CPT1B: variants seen among roughly 807,000 people sequenced by gnomAD.
The protein encoded by CPT1B is carnitine palmitoyltransferase 1B, also known as carnitine O-palmitoyltransferase 1, muscle isoform.
CPT1B carries 57 observed loss-of-function variants against 92.7 expected under a neutral mutation model. The observed-to-expected ratio is 0.62, with a 90% CI of 0.50 to 0.77. The LOEUF (loss-of-function observed/expected upper bound fraction) is 0.77, where lower values mean the gene tolerates loss of function less well. Among genes scored for constraint, CPT1B ranks in the 30% least tolerant of loss-of-function variants. CPT1B has a pLI of 0.00. For synonymous variants in CPT1B, 398 were observed against 383.5 expected (o/e 1.04, Z -0.44); for missense variants, 983 against 1,017.4 (o/e 0.97, Z 0.46).
rs1250251507 is a variant in CPT1B, at chr22:50,573,048, C to T, written c.1179G>A (p.Ala393=). 42 of 1,599,722 alleles carry T rather than the reference C, an allele frequency of 2.6e-5. No individual in the cohort carries two copies. The highest frequency in any genetic ancestry group is 1.7e-4 in the Middle Eastern group (1 of 5,866). ...AGCTAAAGAAGGCCTGGCGTGCCTG[C>T]GCCCACTCCACCCTGAAGCATGGGG... ...ALTAGGRVEW[A]QARQAFFSSG... is the part of the protein sequence containing the mutation. The change falls in exon 11 of 20, where the codon GCG becomes GCA. Residue 393 remains alanine (A), a synonymous_variant. Coordinates refer to ENST00000312108, the MANE Select transcript of CPT1B (RefSeq NM_152246.3). This position sits in a 1 kb window ranked among gnomAD's most constrained non-coding sequence, Gnocchi z 5.0.
chr22:50,576,834 C>T (rs368792146), intron 4 of CPT1B, 23 bp downstream of exon 4: 1 of 1,613,502 alleles, frequency 6.2e-7, no homozygotes, highest in Non-Finnish European at 8.5e-7. Context: ...GGTGCCTGAA[C>T]CCCTCCACTG....
chr22:50,570,971 C>T lies in CPT1B; in HGVS notation c.1948G>A (p.Gly650Arg), dbSNP rs749903461. ...HQNMYRLAMTGAGIDRHLFCL... is the reference protein window; with the variant it reads ...HQNMYRLAMTRAGIDRHLFCL... ...AAGAGGTGCCTGTCGATCCCTGCCC[C>T]GGTCATGGCCAGGCGGTACATATTC... Residue 650 changes from glycine to arginine, a missense_variant, in exon 16 of 20, where the codon GGG (glycine) becomes AGG (arginine). Coordinates refer to ENST00000312108, the MANE Select transcript of CPT1B (RefSeq NM_152246.3). 3.0e-5 allele frequency: 48 copies of T among 1,613,924 alleles called. No homozygotes were observed. The Middle Eastern group carries it at 4.9e-4, about 17-fold the overall frequency.
At chr22:50,569,909 C>T (rs1222782956) in intron 17 of CPT1B, among the ~76,000 whole-genome samples, 3 of 152,150 alleles carry the variant, frequency 2.0e-5, no homozygotes, top group African/African-American at 4.8e-5. Flanking sequence ...TAGATCACTC[C>T]GTCTCTCTCC....
At position 50,574,600 on chromosome 22, in the gene CPT1B, C is replaced by T. The variant is rs1021058086; in HGVS notation, c.778G>A (p.Asp260Asn). 1.9e-6 allele frequency: 3 copies of T among 1,613,954 alleles called. No homozygotes were observed. The African/African-American group carries it at 4.0e-5, about 22-fold the overall frequency. Residue 260 changes from aspartate to asparagine, a missense_variant and splice_region_variant, in exon 8 of 20, where the codon GAC becomes AAC. By Grantham distance (23) the Asp-to-Asn change is conservative. Coordinates refer to ENST00000312108, the MANE Select transcript of CPT1B (RefSeq NM_152246.3). Reference protein sequence around the residue: ...LMVNSNYYVMDLVLIKNTDVQ... With the variant: ...LMVNSNYYVMNLVLIKNTDVQ... Reference sequence around the variant, plus strand: ...TCTGTATTCTTGATGAGCACAAGGTCCTACAGAGGAACAGAGCCCGCGGGG... The same window carrying T: ...TCTGTATTCTTGATGAGCACAAGGTTCTACAGAGGAACAGAGCCCGCGGGG...
Position 50,577,377 on chromosome 22 carries a change from G to T in CPT1B, c.228C>A (p.Asn76Lys). 1 of 1,613,988 alleles carries T rather than the reference G, an allele frequency of 6.2e-7. No individual in the cohort carries two copies. The highest frequency in any genetic ancestry group is 1.1e-5 in the South Asian group (1 of 91,088). Residue 76 changes from asparagine (N) to lysine (K), a missense_variant, in exon 3 of 20, where the codon AAC becomes AAA. Physicochemically the swap from Asn to Lys is moderately conservative, Grantham distance 94. Coordinates refer to ENST00000312108, the MANE Select transcript of CPT1B (RefSeq NM_152246.3). ...IMATVGSSFC[N>K]VDISLGLVSC... ...TGACCAGCCCCAAGGAGATGTCCAC[G>T]TTGCAGAAGGAGGAACCCACTGTTG...
At position 50,571,553 on chromosome 22, in the gene CPT1B, G is replaced by A. The variant is rs761130254; in HGVS notation, c.1576-14C>T. On this transcript the variant is annotated splice_polypyrimidine_tract_variant and intron_variant, in intron 13 of 19. Coordinates refer to ENST00000312108, the MANE Select transcript of CPT1B (RefSeq NM_152246.3). Reference sequence around the variant, plus strand: ...GACCGCCTGGCACTGCCAAGACATGGGAAGGGTCAGCTGAGGGTAGGGCTC... The same window carrying A: ...GACCGCCTGGCACTGCCAAGACATGAGAAGGGTCAGCTGAGGGTAGGGCTC... The A allele has an allele frequency of 2.5e-6, 4 of 1,609,296 alleles. No individual in the cohort carries two copies. Among genetic ancestry groups the A allele is most frequent in the Non-Finnish European group, 3.4e-6 (4 of 1,179,750 alleles).
chr22:50,568,923 G>A lies in CPT1B; in HGVS notation c.*161C>T. On this transcript the variant is annotated 3_prime_UTR_variant, in exon 20 of 20. Coordinates refer to ENST00000312108, the MANE Select transcript of CPT1B (RefSeq NM_152246.3). ...CGTGGGCGTGGACAGCTATCTCAGA[G>A]CCTACGTCACTCAGCAGAGTCACAC... 1 of 165,666 alleles carries A rather than the reference G, an allele frequency of 6.0e-6. No homozygotes were observed. The highest frequency in any genetic ancestry group is 1.3e-5 in the Non-Finnish European group (1 of 76,578). The allele number at this position is 165,666 out of a possible 1,614,324, so 10.3% of individuals were successfully genotyped here. A position where few individuals can be genotyped will look rare whatever the true frequency, so the allele number is the denominator to read the frequency against.
Position 50,571,876 on chromosome 22 carries a change from G to A in CPT1B, c.1575+130C>T, listed in dbSNP as rs972541172. 9.0e-6 allele frequency: 8 copies of A among 887,120 alleles called. No homozygotes were observed. In the Admixed American group the frequency reaches 1.5e-4, roughly 16 times the overall value. 55.0% of individuals were successfully genotyped at this position (887,120 alleles called of 1,614,324 possible). ...GGACTCTACAGGTATCCTGAGACGT[G>A]CCCTGTGCCTTCCCGAGGGCTGGGC... On this transcript the variant is annotated intron_variant, in intron 13 of 19. Coordinates refer to ENST00000312108, the MANE Select transcript of CPT1B (RefSeq NM_152246.3).
chr22:50,571,133 C>G, intron 15 of CPT1B, 25 bp downstream of exon 15: 1 of 1,613,430 alleles, frequency 6.2e-7, no homozygotes, highest in Non-Finnish European at 8.5e-7. Flanking sequence ...CGACTGTGAC[C>G]CCCACATGGG....
In CPT1B at chr22:50,574,608, G is replaced by A. The variant is rs777042068; in HGVS notation, c.778-8C>T. On this transcript the variant is annotated splice_polypyrimidine_tract_variant and splice_region_variant and intron_variant, in intron 7 of 19. Transcript: ENST00000312108. ...CTTGATGAGCACAAGGTCCTACAGAGGAACAGAGCCCGCGGGGTGGGGGCC... is the reference window on the plus strand; with the variant it reads ...CTTGATGAGCACAAGGTCCTACAGAAGAACAGAGCCCGCGGGGTGGGGGCC... 5.6e-6 allele frequency: 9 copies of A among 1,613,310 alleles called. No homozygotes were observed. In the African/African-American group the frequency reaches 9.3e-5, roughly 17 times the overall value.
rs377156417 is a variant in CPT1B at position 50,571,172 on chromosome 22, C to A, written c.1861G>T (p.Glu621Ter). The A allele has an allele frequency of 6.8e-6, 11 of 1,614,030 alleles. No individual in the cohort carries two copies. In the Admixed American group the frequency reaches 1.5e-4, roughly 22 times the overall value. ...AGGACACTTACTGTGTGGGACCCCT[C>A]CATCATGGCCTGCACAAAGGCTGTG... The part of the protein sequence containing the change: ...ESTAFVQAMM[E>*]GSHTKADLRD... The change falls in exon 15 of 20, where the codon GAG (glutamate) becomes TAG (stop). Residue 621 changes from glutamate to a stop codon, truncating the protein, a stop_gained. Coordinates refer to ENST00000312108, the MANE Select transcript of CPT1B (RefSeq NM_152246.3). LOFTEE classifies it high-confidence loss of function.
chr22:50,572,469 C>A (rs1179488322), intron 11 of CPT1B, among the ~76,000 whole-genome samples, 161 bp from the exon 12 acceptor site: 1 of 152,134 alleles, frequency 6.6e-6, no homozygotes, highest in Non-Finnish European at 1.5e-5. Context: ...GTTGCCCAGG[C>A]TGGAGTGCAG....
intron 4 of CPT1B, 40 bp from the exon 5 acceptor site, chr22:50,576,677 G>GA (rs1569047694): frequency 6.3e-7 from 1 of 1,597,058 alleles, no homozygotes; most frequent in Admixed American, 1.7e-5. Flanking sequence ...GGAGCCAGTG[G>GA]AAAAAATGGA....
chr22:50,570,324 T>G lies in CPT1B; in HGVS notation c.2111A>C (p.Asn704Thr), dbSNP rs898844790. The G allele has an allele frequency of 1.3e-6, 2 of 1,598,366 alleles. No homozygotes were observed. Among genetic ancestry groups the G allele is most frequent in the Non-Finnish European group, 1.7e-6 (2 of 1,170,016 alleles). Residue 704 changes from asparagine (N) to threonine (T), a missense_variant, in exon 17 of 20, where the codon AAT becomes ACT. Physicochemically the swap from Asn to Thr is moderately conservative, Grantham distance 65. Coordinates refer to ENST00000312108, the MANE Select transcript of CPT1B (RefSeq NM_152246.3). ...IRMFDPEQHP[N>T]HLGAGGGFGP... The stretch of plus-strand genomic sequence containing the variant: ...AAAGCCACCTCCAGCGCCCAGGTGA[T>G]TGGGGTGCTGCTCTGGGTCGAACAT...
Position 50,576,915 on chromosome 22 carries a change from T to G in CPT1B, c.401A>C (p.Tyr134Ser), listed in dbSNP as rs1335716130. 6.2e-7 allele frequency: 1 copy of G among 1,613,986 alleles called. No individual in the cohort carries two copies. Residue 134 changes from tyrosine to serine, a missense_variant, in exon 4 of 20, where the codon TAC (tyrosine) becomes TCC (serine). By Grantham distance (144) the Tyr-to-Ser change is moderately radical. Coordinates refer to ENST00000312108, the MANE Select transcript of CPT1B (RefSeq NM_152246.3). ...ATGCATCTCAAACATCCACCCATGGTAGCAGAGAAGCAGCTTCAGGGTTTG... is the reference window on the plus strand; with the variant it reads ...ATGCATCTCAAACATCCACCCATGGGAGCAGAGAAGCAGCTTCAGGGTTTG... Reference protein sequence around the residue: ...FRQTLKLLLCYHGWMFEMHGK... With the variant: ...FRQTLKLLLCSHGWMFEMHGK...
chr22:50,572,349 T>A (rs1343591992), intron 11 of CPT1B, 41 bp from the exon 12 acceptor site: 7 of 1,397,198 alleles, frequency 5.0e-6, no homozygotes, highest in Admixed American at 3.4e-5. Flanking sequence ...AAGCTGGGAA[T>A]GTCCAGAGGT....
At chr22:50,577,243 C>T in intron 3 of CPT1B, 81 bp downstream of exon 3, 2 of 1,569,050 alleles carry the variant, frequency 1.3e-6, no homozygotes, top group Non-Finnish European at 1.7e-6. Context: ...CCTGTATCTG[C>T]CCAGCTCAGG....
At chr22:50,572,481 G>C (rs1215679387) in intron 11 of CPT1B, among the ~76,000 whole-genome samples, 173 bp from the exon 12 acceptor site, 1 of 150,788 alleles carries the variant, frequency 6.6e-6, no homozygotes, top group Non-Finnish European at 1.5e-5. Context: ...GGAGTGCAGT[G>C]GTGTGATCTT....
At position 50,577,376 on chromosome 22, in the gene CPT1B, C is replaced by A. The variant is rs769084833; in HGVS notation, c.229G>T (p.Val77Leu). The A allele has an allele frequency of 6.2e-6, 10 of 1,613,848 alleles. No individual in the cohort carries two copies. The highest frequency in any genetic ancestry group is 8.5e-6 in the Non-Finnish European group (10 of 1,180,014). Residue 77 changes from valine to leucine, a missense_variant, in exon 3 of 20, where the codon GTG becomes TTG. Transcript: ENST00000312108. ...MATVGSSFCN[V>L]DISLGLVSCI... ...CTGACCAGCCCCAAGGAGATGTCCA[C>A]GTTGCAGAAGGAGGAACCCACTGTT...
Sources: allele counts gnomAD v4.1 joint callset (sites outside exome capture counted in the v4.1 genomes callset), GRCh38; gene constraint gnomAD v4.1.1; non-coding constraint Gnocchi (gnomAD v3.1); transcripts MANE v1.5; gene names NCBI Gene and HGNC (gene_info 2026-07-23, HGNC 2026-07-21).